The following TENT5B variants were observed in gnomAD, a reference collection of about 807,000 sequenced individuals.
TENT5B encodes family with sequence similarity 46 member B.
In TENT5B, 12 loss-of-function variants were observed where a neutral mutation model predicts 21.7. The observed-to-expected ratio is 0.55, with a 90% CI of 0.36 to 0.90. The LOEUF is 0.90. TENT5B is among the 40% of genes least tolerant of loss of function. The pLI is 0.01. For synonymous variants in TENT5B, 262 were observed against 266.6 expected (o/e 0.98, Z 0.17); for missense variants, 540 against 601.5 (o/e 0.90, Z 1.07).
In TENT5B at chr1:27,011,014, C is replaced by G. The variant is rs534058559; in HGVS notation, c.264+1393G>C. Among the ~76,000 whole-genome samples, 66 of 152,302 alleles carry G rather than the reference C, an allele frequency of 4.3e-4. 1 individual carries two copies. The highest frequency in any genetic ancestry group is 1.4e-3 in the African/African-American group (57 of 41,554). On this transcript the variant is annotated intron_variant, in intron 1 of 1. Coordinates refer to ENST00000289166, the MANE Select transcript of TENT5B (RefSeq NM_052943.4). ...AGAGGGGGGCTGCCACACTGGGCTCCACCTTCCCCTCCCTGCCATGCCTGG... is the reference window on the plus strand; with the variant it reads ...AGAGGGGGGCTGCCACACTGGGCTCGACCTTCCCCTCCCTGCCATGCCTGG...
At chr1:27,007,303 G>A (rs2082605603) in intron 1 of TENT5B, among the ~76,000 whole-genome samples, 1 of 151,942 alleles carries the variant, frequency 6.6e-6, no homozygotes, top group African/African-American at 2.4e-5. Flanking sequence ...CTTTACAGAT[G>A]CAAAAATGGA....
rs1282372863 is a variant in TENT5B at position 27,006,245 on chromosome 1, T to A, written c.977A>T (p.Tyr326Phe). ...TGCCCCACCGAAGTGGGCCTCCAGG[T>A]AGCGCTCTAGGGTGCGCCGCTGCTC... ...LVEQRRTLER[Y>F]LEAHFGGADA... is the part of the protein sequence containing the mutation. Residue 326 changes from tyrosine to phenylalanine, a missense_variant, in exon 2 of 2, where the codon TAC becomes TTC. By Grantham distance (22) the Tyr-to-Phe change is conservative. Transcript: ENST00000289166. This position sits in a 1 kb window ranked among gnomAD's most constrained non-coding sequence, Gnocchi z 9.4. 1.9e-6 allele frequency: 3 copies of A among 1,612,260 alleles called. No homozygotes were observed. The highest frequency in any genetic ancestry group is 2.5e-6 in the Non-Finnish European group (3 of 1,179,672).
At position 27,005,802 on chromosome 1, in the gene TENT5B, G is replaced by C. The variant is rs1165896308; in HGVS notation, c.*142C>G. The C allele has an allele frequency of 1.7e-6, 2 of 1,173,542 alleles. No individual in the cohort carries two copies. Among genetic ancestry groups the C allele is most frequent in the African/African-American group, 3.1e-5 (2 of 64,740 alleles). 72.7% of individuals were successfully genotyped at this position (1,173,542 alleles called of 1,614,324 possible). ...AGGGGCCTCGTGCTCGGGAAAGTCT[G>C]GTCTGTTCAATCAAAGGCCCAACCC... On this transcript the variant is annotated 3_prime_UTR_variant, in exon 2 of 2. Coordinates refer to ENST00000289166, the MANE Select transcript of TENT5B (RefSeq NM_052943.4).
rs762631827 is a variant in TENT5B at position 27,006,313 on chromosome 1, G to T, written c.909C>A (p.Arg303=). 2 of 1,611,034 alleles carry T rather than the reference G, an allele frequency of 1.2e-6. No individual in the cohort carries two copies. Among genetic ancestry groups the T allele is most frequent in the South Asian group, 2.2e-5 (2 of 90,918 alleles). ...RPSTDVRALQ[R]YMCSRFFIDF... ...CGATGAAGAAGCGGGAGCACATGTA[G>T]CGCTGCAGGGCGCGCACATCGGTGC... Residue 303 remains arginine (R), a synonymous_variant, in exon 2 of 2, where the codon CGC becomes CGA. Transcript: ENST00000289166. The surrounding 1 kb of genome is among the most constrained non-coding windows in gnomAD (Gnocchi z 9.4).
rs2082592906 is a variant in TENT5B, at chr1:27,005,707, T to C, written c.*237A>G. On this transcript the variant is annotated 3_prime_UTR_variant, in exon 2 of 2. Transcript: ENST00000289166. ...TGGCGCCTGCACCCCACCGGCATGC[T>C]GGTCCAAAAGTGTGATGCAATAACC... 6.1e-6 allele frequency: 3 copies of C among 489,924 alleles called. No homozygotes were observed. The highest frequency in any genetic ancestry group is 3.2e-5 in the East Asian group (1 of 30,794). The allele number at this position is 489,924 out of a possible 1,614,324, so 30.3% of individuals were successfully genotyped here.
Position 27,012,552 on chromosome 1 carries a change from G to C in TENT5B, c.119C>G (p.Ala40Gly), listed in dbSNP as rs781059179. ...APAGGGPDPEALSAFPGRHLS... is the reference protein window; with the variant it reads ...APAGGGPDPEGLSAFPGRHLS... ...GTGCCGTCCGGGGAAGGCCGATAAG[G>C]CCTCCGGGTCGGGGCCGCCGCCTGC... The change falls in exon 1 of 2, where the codon GCC (alanine) becomes GGC (glycine). Residue 40 changes from alanine (A) to glycine (G), a missense_variant. Physicochemically the swap from Ala to Gly is moderately conservative, Grantham distance 60. Coordinates refer to ENST00000289166, the MANE Select transcript of TENT5B (RefSeq NM_052943.4). The C allele has an allele frequency of 1.3e-6, 2 of 1,589,072 alleles. No homozygotes were observed. The highest frequency in any genetic ancestry group is 1.7e-5 in the Admixed American group (1 of 57,970).
rs547014097 is a variant in TENT5B, at chr1:27,006,798, G to A, written c.424C>T (p.Leu142=). ...VDLRSEASFQ[L]TKAVVLACLL... is the part of the protein sequence containing the mutation. ...CAGGCCAGCACCACTGCCTTGGTCAGCTGGAAGGATGCCTCACTGCGCAGG... is the reference window on the plus strand; with the variant it reads ...CAGGCCAGCACCACTGCCTTGGTCAACTGGAAGGATGCCTCACTGCGCAGG... Residue 142 remains leucine, a synonymous_variant, in exon 2 of 2, where the codon CTG becomes TTG. Transcript: ENST00000289166. The surrounding 1 kb of genome is among the most constrained non-coding windows in gnomAD (Gnocchi z 9.4). 3 of 1,614,038 alleles carry A rather than the reference G, an allele frequency of 1.9e-6. No homozygotes were observed. The highest frequency in any genetic ancestry group is 1.3e-5 in the African/African-American group (1 of 75,034).
At position 27,006,769 on chromosome 1, in the gene TENT5B, T is replaced by C; in HGVS notation, c.453A>G (p.Leu151=). The C allele has an allele frequency of 1.2e-6, 2 of 1,614,050 alleles. No individual in the cohort carries two copies. The highest frequency in any genetic ancestry group is 1.7e-6 in the Non-Finnish European group (2 of 1,180,028). The change falls in exon 2 of 2, where the codon CTA becomes CTG. Residue 151 remains leucine, a synonymous_variant. Transcript: ENST00000289166. This position sits in a 1 kb window ranked among gnomAD's most constrained non-coding sequence, Gnocchi z 9.4. ...TCACACCGGCCGGCAGGAAGTCTAG[T>C]AGGCAGGCCAGCACCACTGCCTTGG... ...QLTKAVVLAC[L]LDFLPAGVSR...
intron 1 of TENT5B, among the ~76,000 whole-genome samples, chr1:27,011,827 C>A (rs2082624735): frequency 6.6e-6 from 1 of 152,094 alleles, no homozygotes; most frequent in Admixed American, 6.5e-5. Context: ...TCAGGTCTGA[C>A]CTTCGGCTTA....
chr1:27,010,125 G>A (rs1370503431), intron 1 of TENT5B, among the ~76,000 whole-genome samples: 1 of 152,214 alleles, frequency 6.6e-6, no homozygotes, highest in African/African-American at 2.4e-5. Context: ...GCTGCAGCTG[G>A]AGAAATCAGA....
At chr1:27,012,314 G>C (rs2082627890) in intron 1 of TENT5B, 93 bp downstream of exon 1, 6 of 1,527,510 alleles carry the variant, frequency 3.9e-6, no homozygotes, top group Non-Finnish European at 4.4e-6. Context: ...AGTTTCCCTA[G>C]CTGTCTAGAA....
In TENT5B at chr1:27,006,582, A is replaced by C; in HGVS notation, c.640T>G (p.Phe214Val). Residue 214 changes from phenylalanine (F) to valine (V), a missense_variant, in exon 2 of 2, where the codon TTC becomes GTC. By Grantham distance (50) the Phe-to-Val change is conservative. Transcript: ENST00000289166. This position sits in a 1 kb window ranked among gnomAD's most constrained non-coding sequence, Gnocchi z 9.4. ...ATGATCTGGAAGGAGTCTATGCTGA[A>C]TTCAAACTGGCGTCTCACCGAGTCC... is the stretch of plus-strand genomic sequence containing the variant. Reference protein sequence around the residue: ...FVDSVRRQFEFSIDSFQIILD... With the variant: ...FVDSVRRQFEVSIDSFQIILD... 1 of 1,614,072 alleles carries C rather than the reference A, an allele frequency of 6.2e-7. No individual in the cohort carries two copies.
At chr1:27,011,261 C>A (rs1413699201) in intron 1 of TENT5B, among the ~76,000 whole-genome samples, 6 of 152,144 alleles carry the variant, frequency 3.9e-5, no homozygotes, top group Non-Finnish European at 2.9e-5. Context: ...AATCCCCCAG[C>A]AGGCAACCCT....
Position 27,006,142 on chromosome 1 carries a change from G to C in TENT5B, c.1080C>G (p.His360Gln). ...TGAGGTCCAGCGTCTGGCGGCGCTC[G>C]TGGTTCATGAGGCACACGGTGCTCT... ...VNESTVCLMNHERRQTLDLIA... is the reference protein window; with the variant it reads ...VNESTVCLMNQERRQTLDLIA... Residue 360 changes from histidine to glutamine, a missense_variant, in exon 2 of 2, where the codon CAC becomes CAG. By Grantham distance (24) the His-to-Gln change is conservative. Transcript: ENST00000289166. The surrounding 1 kb of genome is among the most constrained non-coding windows in gnomAD (Gnocchi z 9.4). The C allele has an allele frequency of 6.8e-6, 11 of 1,607,896 alleles. No individual in the cohort carries two copies. Among genetic ancestry groups the C allele is most frequent in the Non-Finnish European group, 9.4e-6 (11 of 1,176,282 alleles).
At position 27,005,219 on chromosome 1, in the gene TENT5B, G is replaced by A. The variant is rs1475582760; in HGVS notation, c.*725C>T. 2 of 152,746 alleles carry A rather than the reference G, an allele frequency of 1.3e-5. No individual in the cohort carries two copies. The highest frequency in any genetic ancestry group is 6.5e-5 in the Admixed American group (1 of 15,284). 9.5% of individuals were successfully genotyped at this position (152,746 alleles called of 1,614,324 possible). On this transcript the variant is annotated 3_prime_UTR_variant, in exon 2 of 2. Transcript: ENST00000289166. Reference sequence around the variant, plus strand: ...CCAAAGAACAAGCTCCCAGGCAGGAGGGCTCCTTGCAACACAAGGGGGAAA... The same window carrying A: ...CCAAAGAACAAGCTCCCAGGCAGGAAGGCTCCTTGCAACACAAGGGGGAAA...
Position 27,006,052 on chromosome 1 carries a change from CCAGGCCAGGGCGG to C in TENT5B, c.1157_1169del (p.Ala386GlyfsTer18). 2.5e-6 allele frequency: 4 copies of C among 1,611,582 alleles called. No individual in the cohort carries two copies. The highest frequency in any genetic ancestry group is 1.7e-4 in the Middle Eastern group (1 of 6,058). The stretch of plus-strand genomic sequence containing the variant: ...CAACCCCGTCAGTGCCTGGAGGGCG[CCAGGCCAGGGCGG>C]CAGTGGCAGCTGGGCCCTGCTCAGC... On this transcript the variant is annotated frameshift_variant, in exon 2 of 2. Transcript: ENST00000289166. LOFTEE classifies it high-confidence loss of function. This position sits in a 1 kb window ranked among gnomAD's most constrained non-coding sequence, Gnocchi z 9.4.
Position 27,012,421 on chromosome 1 carries a change from G to C in TENT5B, c.250C>G (p.Arg84Gly). The stretch of plus-strand genomic sequence containing the variant: ...CGTCCTCTCACCTGCACGATCTGCC[G>C]GGGCTGCACGCTCAGCGTGGGGAAG... The part of the protein sequence containing the change: ...GNFPTLSVQP[R>G]QIVQVVRSTL... The change falls in exon 1 of 2, where the codon CGG becomes GGG. Residue 84 changes from arginine (R) to glycine (G), a missense_variant. Coordinates refer to ENST00000289166, the MANE Select transcript of TENT5B (RefSeq NM_052943.4). 2 of 1,612,790 alleles carry C rather than the reference G, an allele frequency of 1.2e-6. No homozygotes were observed. Among genetic ancestry groups the C allele is most frequent in the East Asian group, 4.5e-5 (2 of 44,848 alleles).
Position 27,006,382 on chromosome 1 carries a change from G to C in TENT5B, c.840C>G (p.Leu280=), listed in dbSNP as rs1170553186. The change falls in exon 2 of 2, where the codon CTC becomes CTG. Residue 280 remains leucine (L), a synonymous_variant. Transcript: ENST00000289166. This position sits in a 1 kb window ranked among gnomAD's most constrained non-coding sequence, Gnocchi z 9.4. Reference sequence around the variant, plus strand: ...CCCGCACCAGGAGGTGGCAGTACTTGAGGAGGCCACCACCTCGGATCTCCT... The same window carrying C: ...CCCGCACCAGGAGGTGGCAGTACTTCAGGAGGCCACCACCTCGGATCTCCT... ...SPEEIRGGGL[L]KYCHLLVRGF... 21 of 1,612,594 alleles carry C rather than the reference G, an allele frequency of 1.3e-5. No homozygotes were observed. The highest frequency in any genetic ancestry group is 1.7e-5 in the Non-Finnish European group (20 of 1,179,468).
chr1:27,005,521 T>C lies in TENT5B; in HGVS notation c.*423A>G, dbSNP rs1014261652. ...CTGTAACATACCATGTATCAGTCAG[T>C]GTGTGGGCTGCAGGCCCTCCAAAGC... On this transcript the variant is annotated 3_prime_UTR_variant, in exon 2 of 2. Transcript: ENST00000289166. 8 of 177,398 alleles carry C rather than the reference T, an allele frequency of 4.5e-5. No homozygotes were observed. Among genetic ancestry groups the C allele is most frequent in the Admixed American group, 2.8e-4 (5 of 18,024 alleles). 11.0% of individuals were successfully genotyped at this position (177,398 alleles called of 1,614,324 possible). A position where few individuals can be genotyped will look rare whatever the true frequency, so the allele number is the denominator to read the frequency against.
Sources: gnomAD v4.1 joint callset for allele counts (sites outside exome capture counted in the v4.1 genomes callset) on GRCh38, gnomAD v4.1.1 for gene constraint, Gnocchi (gnomAD v3.1) non-coding constraint, MANE v1.5 for transcripts, NCBI Gene and HGNC (gene_info 2026-07-23, HGNC 2026-07-21) for gene names.